Variants in HDAC4 observed in about 807,000 individuals in gnomAD.
HDAC4 encodes histone deacetylase A.
Under a neutral mutation model 135.1 loss-of-function variants are expected in HDAC4, and 16 were observed. That is an observed-to-expected ratio of 0.12 (90% CI 0.08 to 0.18). The LOEUF (loss-of-function observed/expected upper bound fraction) is 0.18. HDAC4 is among the 10% of genes least tolerant of loss of function. The pLI, the probability that HDAC4 is intolerant of heterozygous loss-of-function variation, is 1.00. For missense variants in HDAC4, 1,143 were observed against 1,511.8 expected (o/e 0.76, Z 4.05); for synonymous variants, 685 against 653.4 (o/e 1.05, Z -0.74).
At chr2:239,381,693 C>G (rs1695428281) in intron 1 of HDAC4, among the ~76,000 whole-genome samples, 1 of 152,182 alleles carries the variant, frequency 6.6e-6, no homozygotes, top group African/African-American at 2.4e-5. Context: ...ACCCTAGGTA[C>G]CAATGACATT....
At chr2:239,081,248 C>G (rs963724928) in intron 21 of HDAC4, 56 bp from the exon 22 acceptor site, 8 of 1,452,796 alleles carry the variant, frequency 5.5e-6, no homozygotes, top group Non-Finnish European at 7.6e-6. Context: ...ACCTGTCTGA[C>G]AGGAACGCCT....
chr2:239,244,828 C>T (rs773698104), intron 2 of HDAC4, among the ~76,000 whole-genome samples: 2 of 152,120 alleles, frequency 1.3e-5, no homozygotes, highest in African/African-American at 2.4e-5. Flanking sequence ...CACACCCTGG[C>T]ACTACCCCTG....
At chr2:239,267,049 A>G (rs2049776918) in intron 2 of HDAC4, among the ~76,000 whole-genome samples, 1 of 152,136 alleles carries the variant, frequency 6.6e-6, no homozygotes, top group Non-Finnish European at 1.5e-5. Context: ...GTGCAGAGGG[A>G]GAGTAAGTGC....
In HDAC4 at chr2:239,102,819, C is replaced by T. The variant is rs149067286; in HGVS notation, c.2190G>A (p.Thr730=). 122 of 1,613,938 alleles carry T rather than the reference C, an allele frequency of 7.6e-5. No homozygotes were observed. The African/African-American group carries it at 1.3e-3, about 17-fold the overall frequency. The change falls in exon 16 of 27, where the codon ACG becomes ACA. Residue 730 remains threonine, a synonymous_variant. Coordinates refer to ENST00000543185, the MANE Select transcript of HDAC4 (RefSeq NM_001378414.1). ...CCAGTTTCTGCCGGTTGAGGGGGTT[C>T]GTGCCATACAGGAGGGTGTGGGCTT... The part of the protein sequence containing the change: ...HSEAHTLLYG[T]NPLNRQKLDS...
intron 3 of HDAC4, among the ~76,000 whole-genome samples, chr2:239,204,034 A>G (rs1443003181): frequency 2.0e-5 from 3 of 152,250 alleles, no homozygotes; most frequent in African/African-American, 7.2e-5. Flanking sequence ...TCCAAGGGAA[A>G]TAAAAAGCTC....
At position 239,307,885 on chromosome 2, in the gene HDAC4, C is replaced by T. The variant is rs1223729417; in HGVS notation, c.22+44793G>A. Among the ~76,000 whole-genome samples, 2 of 152,220 alleles carry T rather than the reference C, an allele frequency of 1.3e-5. No individual in the cohort carries two copies. The highest frequency in any genetic ancestry group is 4.8e-5 in the African/African-American group (2 of 41,448). ...ACACGTCTCCACGCACCCCGAGCCA[C>T]ATCACGTTTTGCCACTATCTCAGAA... On this transcript the variant is annotated intron_variant, in intron 2 of 26. Coordinates refer to ENST00000543185, the MANE Select transcript of HDAC4 (RefSeq NM_001378414.1). The surrounding 1 kb of genome is among the most constrained non-coding windows in gnomAD (Gnocchi z 4.8).
In HDAC4 at chr2:239,068,745, A is replaced by C; in HGVS notation, c.2751-138T>G. ...CACTGGCGGGCTGAGGGCTCCACAC[A>C]GCAGGCTGGAATCTGGCGACCACGC... On this transcript the variant is annotated intron_variant, in intron 22 of 26. Transcript: ENST00000543185. The surrounding 1 kb of genome is among the most constrained non-coding windows in gnomAD (Gnocchi z 4.4). 1 of 768,386 alleles carries C rather than the reference A, an allele frequency of 1.3e-6. No individual in the cohort carries two copies. The highest frequency in any genetic ancestry group is 2.3e-6 in the Non-Finnish European group (1 of 427,836). 47.6% of individuals were successfully genotyped at this position (768,386 alleles called of 1,614,324 possible). A position where few individuals can be genotyped will look rare whatever the true frequency, so the allele number is the denominator to read the frequency against.
intron 2 of HDAC4, among the ~76,000 whole-genome samples, chr2:239,312,782 G>A (rs1351764099): frequency 6.6e-6 from 1 of 152,216 alleles, no homozygotes; most frequent in African/African-American, 2.4e-5. Context: ...AGAATGTGGT[G>A]GTGGCCCAGC....
chr2:239,349,857 G>A lies in HDAC4; in HGVS notation c.22+2821C>T, dbSNP rs1692993650. 6.6e-6 allele frequency among the ~76,000 whole-genome samples: 1 copy of A among 152,218 alleles called. No homozygotes were observed. The highest frequency in any genetic ancestry group is 1.5e-5 in the Non-Finnish European group (1 of 68,036). On this transcript the variant is annotated intron_variant, in intron 2 of 26. Coordinates refer to ENST00000543185, the MANE Select transcript of HDAC4 (RefSeq NM_001378414.1). This position sits in a 1 kb window ranked among gnomAD's most constrained non-coding sequence, Gnocchi z 5.7. ...AGATGGAGAGCAGAGAATGGGCTGG[G>A]CCAAGGGGCAGCCCTGCCCTCACCA... is the stretch of plus-strand genomic sequence containing the variant.
intron 5 of HDAC4, among the ~76,000 whole-genome samples, chr2:239,166,993 A>G (rs928090766): frequency 3.9e-5 from 6 of 152,206 alleles, no homozygotes; most frequent in Admixed American, 3.9e-4. Flanking sequence ...TCCAACCGCA[A>G]AATGATGCTG....
At chr2:239,075,966 C>G (rs1168269421) in intron 22 of HDAC4, among the ~76,000 whole-genome samples, 1 of 151,572 alleles carries the variant, frequency 6.6e-6, no homozygotes, top group African/African-American at 2.4e-5. Flanking sequence ...AGCCACTCCC[C>G]TCAGCTTCCT....
intron 12 of HDAC4, among the ~76,000 whole-genome samples, chr2:239,124,531 C>T (rs985925615): frequency 1.3e-5 from 2 of 151,948 alleles, no homozygotes; most frequent in Admixed American, 6.5e-5. Context: ...GGCGTGCCGG[C>T]GTGTGGCCGT....
intron 11 of HDAC4, 139 bp downstream of exon 11, chr2:239,134,106 A>G (rs2040782678): frequency 1.4e-6 from 1 of 711,542 alleles, no homozygotes; most frequent in East Asian, 2.7e-5. Context: ...ACATCACGTG[A>G]TGGGGATGTG....
intron 4 of HDAC4, among the ~76,000 whole-genome samples, chr2:239,183,952 A>G (rs1435642243): frequency 1.3e-5 from 2 of 151,942 alleles, no homozygotes; most frequent in East Asian, 3.9e-4. Context: ...GAAGAGTCAC[A>G]CTATCAACTA....
At chr2:239,129,578 C>T (rs1333699072) in intron 11 of HDAC4, among the ~76,000 whole-genome samples, 1 of 152,178 alleles carries the variant, frequency 6.6e-6, no homozygotes, top group Non-Finnish European at 1.5e-5. Context: ...AAGCCCTTCC[C>T]TGTGCCCAGT....
intron 3 of HDAC4, among the ~76,000 whole-genome samples, chr2:239,217,785 A>C (rs2046723169): frequency 6.6e-6 from 1 of 152,178 alleles, no homozygotes; most frequent in African/African-American, 2.4e-5. Flanking sequence ...ACAAAACAAG[A>C]AGCATTCACA....
intron 3 of HDAC4, among the ~76,000 whole-genome samples, chr2:239,212,500 G>T (rs990054029): frequency 2.0e-5 from 3 of 152,232 alleles, no homozygotes; most frequent in African/African-American, 7.2e-5. Context: ...GCTGACCAGA[G>T]AGCTGAAGCC....
chr2:239,216,479 C>T (rs1314604094), intron 3 of HDAC4, among the ~76,000 whole-genome samples: 1 of 152,244 alleles, frequency 6.6e-6, no homozygotes, highest in Non-Finnish European at 1.5e-5. Flanking sequence ...GACACAGGTG[C>T]TCACTGTCCA....
chr2:239,278,895 T>TC (rs1441037291), intron 2 of HDAC4, among the ~76,000 whole-genome samples: 1 of 152,068 alleles, frequency 6.6e-6, no homozygotes, highest in Non-Finnish European at 1.5e-5. Flanking sequence ...GGACATGTAG[T>TC]CCCAGCTACT....
Sources: gnomAD v4.1 joint callset for allele counts (sites outside exome capture counted in the v4.1 genomes callset) on GRCh38, gnomAD v4.1.1 for gene constraint, Gnocchi (gnomAD v3.1) non-coding constraint, MANE v1.5 for transcripts, NCBI Gene and HGNC (gene_info 2026-07-23, HGNC 2026-07-21) for gene names.